The following ARHGAP24 variants were observed in gnomAD, a reference collection of about 807,000 sequenced individuals.
ARHGAP24 encodes Rho GTPase activating protein 24.
Under a neutral mutation model 76.4 loss-of-function variants are expected in ARHGAP24, and 50 were observed. The ratio of observed to expected loss-of-function variants is 0.65; its 90% confidence interval spans 0.52 to 0.83. ARHGAP24 has a LOEUF of 0.83. Among genes scored for constraint, ARHGAP24 ranks in the 40% least tolerant of loss-of-function variants. The probability of loss-of-function intolerance (pLI) is 0.00; values close to 1 mark genes in which losing one functional copy is unlikely to be tolerated. For synonymous variants in ARHGAP24, 345 were observed against 323.3 expected, an observed-to-expected ratio of 1.07 and a Z score of -0.72; for missense variants, 930 against 914.2, an observed-to-expected ratio of 1.02 and a Z score of -0.22.
At chr4:85,789,731 G>C (rs185525126) in intron 3 of ARHGAP24, among the ~76,000 whole-genome samples, 39 of 152,256 alleles carry the variant, frequency 2.6e-4, no homozygotes, top group Admixed American at 2.5e-3. Flanking sequence ...GATGCCAACC[G>C]TTCCAGTGCA....
intron 3 of ARHGAP24, among the ~76,000 whole-genome samples, chr4:85,894,124 G>C (rs1330432064): frequency 7.1e-6 from 1 of 141,470 alleles, no homozygotes; most frequent in Non-Finnish European, 1.5e-5. Context: ...AAAGATTTCA[G>C]GAAGGCAAGA....
chr4:85,657,162 T>TATA (rs1478358445), intron 2 of ARHGAP24, among the ~76,000 whole-genome samples: 1 of 151,948 alleles, frequency 6.6e-6, no homozygotes, highest in Non-Finnish European at 1.5e-5. Context: ...TCCTTAGCCT[T>TATA]ATTTTATTTT....
At chr4:85,583,012 A>G (rs1336227498) in intron 2 of ARHGAP24, among the ~76,000 whole-genome samples, 1 of 152,050 alleles carries the variant, frequency 6.6e-6, no homozygotes, top group Non-Finnish European at 1.5e-5. Flanking sequence ...GGGGACTTAC[A>G]TTATGTTGCA....
intron 2 of ARHGAP24, among the ~76,000 whole-genome samples, chr4:85,633,613 A>G (rs1382635685): frequency 6.6e-6 from 1 of 151,918 alleles, no homozygotes; most frequent in African/African-American, 2.4e-5. Flanking sequence ...ATCATGAAAT[A>G]TCTTACCTTA....
intron 3 of ARHGAP24, among the ~76,000 whole-genome samples, chr4:85,879,491 A>G (rs1293240412): frequency 6.6e-6 from 1 of 152,144 alleles, no homozygotes; most frequent in Non-Finnish European, 1.5e-5. Context: ...ATTTTCAAAT[A>G]TAAATATTAA....
chr4:85,627,630 GTTAC>G (rs1263906106), intron 2 of ARHGAP24, among the ~76,000 whole-genome samples: 2 of 152,204 alleles, frequency 1.3e-5, no homozygotes, highest in Non-Finnish European at 2.9e-5. Context: ...GTCTGCAGAG[GTTAC>G]TGCTGTCTTT....
At chr4:85,941,294 T>C (rs919248548) in intron 4 of ARHGAP24, among the ~76,000 whole-genome samples, 1 of 152,162 alleles carries the variant, frequency 6.6e-6, no homozygotes, top group Non-Finnish European at 1.5e-5. Context: ...CCAAGGAATG[T>C]ATGGTTTGTA....
chr4:85,639,703 TA>T (rs3028175), intron 2 of ARHGAP24, among the ~76,000 whole-genome samples: 78,573 of 146,750 alleles, frequency 0.54, 21,924 homozygotes, highest in Non-Finnish European at 0.63. Context: ...GAATAATTGG[TA>T]AAAAAAAAAA....
intron 3 of ARHGAP24, among the ~76,000 whole-genome samples, chr4:85,911,058 C>T (rs1202879828): frequency 2.0e-5 from 3 of 152,308 alleles, no homozygotes; most frequent in Non-Finnish European, 4.4e-5. Context: ...GGCAGGAGGG[C>T]CTTCCTGGGT....
chr4:85,807,493 C>T (rs1040677441), intron 3 of ARHGAP24, among the ~76,000 whole-genome samples: 3 of 152,132 alleles, frequency 2.0e-5, no homozygotes, highest in Non-Finnish European at 2.9e-5. Context: ...ATCCAAGTCA[C>T]CAGGATGTTG....
intron 1 of ARHGAP24, among the ~76,000 whole-genome samples, chr4:85,495,233 T>C (rs1003795418): frequency 1.2e-4 from 18 of 152,068 alleles, no homozygotes; most frequent in African/African-American, 4.4e-4. Context: ...TTTCCTTGAT[T>C]TGTTTCCGGG....
At chr4:85,748,217 A>C (rs1052052460) in intron 3 of ARHGAP24, among the ~76,000 whole-genome samples, 1 of 152,216 alleles carries the variant, frequency 6.6e-6, no homozygotes, top group African/African-American at 2.4e-5. Flanking sequence ...ATGCATGTTG[A>C]CCACCTACTC....
chr4:85,646,706 C>T (rs142785894), intron 2 of ARHGAP24, among the ~76,000 whole-genome samples: 4 of 152,098 alleles, frequency 2.6e-5, no homozygotes, highest in Admixed American at 2.6e-4. Flanking sequence ...TTGCCTTCTA[C>T]ATGTACTAGG....
At chr4:85,714,310 C>A (rs1022347217) in intron 2 of ARHGAP24, among the ~76,000 whole-genome samples, 3 of 152,122 alleles carry the variant, frequency 2.0e-5, no homozygotes, top group Admixed American at 2.0e-4. Context: ...TACTACATAT[C>A]TTTTTCTCTA....
At chr4:85,516,956 G>A (rs1444405172) in intron 1 of ARHGAP24, among the ~76,000 whole-genome samples, 1 of 152,068 alleles carries the variant, frequency 6.6e-6, no homozygotes, top group Non-Finnish European at 1.5e-5. Context: ...GGTATGTAGT[G>A]TGAGATATGG....
intron 3 of ARHGAP24, among the ~76,000 whole-genome samples, chr4:85,873,283 G>T (rs1732643891): frequency 6.6e-6 from 1 of 152,164 alleles, no homozygotes; most frequent in Admixed American, 6.5e-5. Context: ...TAGCTGTAAT[G>T]ATAATTCAGA....
At chr4:85,884,090 T>C (rs1012302856) in intron 3 of ARHGAP24, among the ~76,000 whole-genome samples, 1 of 152,204 alleles carries the variant, frequency 6.6e-6, no homozygotes, top group African/African-American at 2.4e-5. Flanking sequence ...TGTAGTTAAA[T>C]TGTAATTGAT....
In ARHGAP24 at chr4:85,945,499, C is replaced by T. The variant is rs140286653; in HGVS notation, c.599+3226C>T. On this transcript the variant is annotated intron_variant, in intron 5 of 9. Transcript: ENST00000395184. Reference sequence around the variant, plus strand: ...ATGAAAAGGCCTGAGCGGGGTGGCTCATGCCTATAATCCCAGCACTTTGGG... The same window carrying T: ...ATGAAAAGGCCTGAGCGGGGTGGCTTATGCCTATAATCCCAGCACTTTGGG... Among the ~76,000 whole-genome samples, 484 of 152,206 alleles carry T rather than the reference C, an allele frequency of 3.2e-3. 3 individuals are homozygous for T. The highest frequency in any genetic ancestry group is 0.011 in the African/African-American group (450 of 41,546).
chr4:85,482,537 G>C (rs768691602), intron 1 of ARHGAP24, among the ~76,000 whole-genome samples: 5 of 152,132 alleles, frequency 3.3e-5, no homozygotes, highest in Non-Finnish European at 5.9e-5. Flanking sequence ...GAGGATGAAA[G>C]GGGGAGGGGC....
Sources: gnomAD v4.1 joint callset for allele counts (sites outside exome capture counted in the v4.1 genomes callset) on GRCh38, gnomAD v4.1.1 for gene constraint, MANE v1.5 for transcripts, NCBI Gene and HGNC (gene_info 2026-07-23, HGNC 2026-07-21) for gene names.